RASEF: variants seen among roughly 807,000 people sequenced by gnomAD.
RASEF encodes the protein RAS and EF-hand domain containing.
Under a neutral mutation model 90.1 loss-of-function variants are expected in RASEF, and 68 were observed. The observed-to-expected ratio is 0.75, with a 90% CI of 0.62 to 0.92. The LOEUF is 0.92. RASEF is among the 40% of genes least tolerant of loss of function. The probability of loss-of-function intolerance (pLI) is 0.00; values close to 1 mark genes in which losing one functional copy is unlikely to be tolerated. For synonymous variants in RASEF, 331 were observed against 345.2 expected (o/e 0.96, Z 0.46); for missense variants, 949 against 937.2 (o/e 1.01, Z -0.16).
the RASEF span, among the ~76,000 whole-genome samples, chr9:83,158,135 G>A: frequency 6.6e-6 from 1 of 152,094 alleles, no homozygotes; most frequent in Non-Finnish European, 1.5e-5. Flanking sequence ...GTTAAATGAT[G>A]CCAGTTTTAT....
At chr9:83,216,925 A>G in the RASEF span, among the ~76,000 whole-genome samples, 1 of 152,286 alleles carries the variant, frequency 6.6e-6, no homozygotes, top group African/African-American at 2.4e-5. Flanking sequence ...ATGCACCTGG[A>G]AATGCTGCAA....
chr9:83,097,534 A>G, the RASEF span, among the ~76,000 whole-genome samples: 2 of 152,238 alleles, frequency 1.3e-5, no homozygotes, highest in African/African-American at 4.8e-5. Flanking sequence ...CAGAATTTAC[A>G]ATTAACTCAA....
At chr9:83,190,335 A>G in the RASEF span, among the ~76,000 whole-genome samples, 2 of 152,192 alleles carry the variant, frequency 1.3e-5, no homozygotes, top group African/African-American at 4.8e-5. Context: ...TTTAAACTAA[A>G]CCATTTTAAA....
chr9:83,114,121 C>A, the RASEF span, among the ~76,000 whole-genome samples: 1 of 152,192 alleles, frequency 6.6e-6, no homozygotes, highest in Non-Finnish European at 1.5e-5. Flanking sequence ...GAGGGACCAG[C>A]TGAAGCCATG....
the RASEF span, among the ~76,000 whole-genome samples, chr9:83,166,260 G>A: frequency 6.6e-6 from 1 of 152,010 alleles, no homozygotes; most frequent in Non-Finnish European, 1.5e-5. Context: ...GAAAGTCCCC[G>A]ACAAAATATC....
chr9:83,148,096 G>T, the RASEF span, among the ~76,000 whole-genome samples: 22 of 151,944 alleles, frequency 1.4e-4, no homozygotes, highest in African/African-American at 5.3e-4. Flanking sequence ...AGGTCTGAGG[G>T]TTTCCAGTCT....
the RASEF span, among the ~76,000 whole-genome samples, chr9:83,215,284 G>A: frequency 1.3e-5 from 2 of 152,048 alleles, no homozygotes; most frequent in African/African-American, 2.4e-5. Flanking sequence ...TGGGATGCTG[G>A]GCAAGAGCTC....
At chr9:83,135,943 ATAAGTAATTAT>A in the RASEF span, among the ~76,000 whole-genome samples, 1 of 152,132 alleles carries the variant, frequency 6.6e-6, no homozygotes, top group African/African-American at 2.4e-5. Flanking sequence ...CTAGTAGTCA[ATAAGTAATTAT>A]TACGGTTTCC....
At chr9:83,105,210 C>T in the RASEF span, among the ~76,000 whole-genome samples, 1 of 152,178 alleles carries the variant, frequency 6.6e-6, no homozygotes, top group South Asian at 2.1e-4. Flanking sequence ...CTGAGGCTTA[C>T]ATTAGCAGTG....
chr9:83,022,296 A>G, intron 3 of RASEF, 40 bp downstream of exon 3: 1 of 1,498,498 alleles, frequency 6.7e-7, no homozygotes, highest in Non-Finnish European at 9.3e-7. Context: ...AAACCACCTC[A>G]TAAAGATCTG....
intron 1 of RASEF, among the ~76,000 whole-genome samples, chr9:83,028,205 C>T (rs902332429): frequency 3.3e-5 from 5 of 152,210 alleles, no homozygotes; most frequent in Non-Finnish European, 5.9e-5. Context: ...CTTTGACACA[C>T]TGCCTGATTT....
intron 1 of RASEF, among the ~76,000 whole-genome samples, chr9:83,059,362 G>GAA (rs201457912): frequency 3.4e-5 from 3 of 88,214 alleles, no homozygotes; most frequent in African/African-American, 4.3e-5. Context: ...AACAGTAACT[G>GAA]AAAAAAAAAA....
Position 83,032,039 on chromosome 9 carries a change from G to T in RASEF, c.432-6118C>A, listed in dbSNP as rs530356158. ...TCATCATAGCAAAAGATAGTACCTG[G>T]TCCCTCTACGTAAGATTTATATTCT... On this transcript the variant is annotated intron_variant, in intron 1 of 16. Transcript: ENST00000376447. 6.0e-4 allele frequency among the ~76,000 whole-genome samples: 92 copies of T among 152,162 alleles called. 1 individual carries two copies. The highest frequency in any genetic ancestry group is 3.4e-3 in the Middle Eastern group (1 of 294).
At chr9:83,128,000 G>A in the RASEF span, among the ~76,000 whole-genome samples, 2 of 149,786 alleles carry the variant, frequency 1.3e-5, no homozygotes, top group Admixed American at 1.3e-4. Flanking sequence ...ACTATAAAGG[G>A]CTTTTTCTTT....
At chr9:83,100,791 T>A in the RASEF span, among the ~76,000 whole-genome samples, 15 of 152,182 alleles carry the variant, frequency 9.9e-5, no homozygotes, top group African/African-American at 3.4e-4. Context: ...AATAATATTA[T>A]AACAAGTGCC....
the RASEF span, among the ~76,000 whole-genome samples, chr9:83,143,135 A>G: frequency 8.1e-4 from 124 of 152,332 alleles, 2 homozygotes; most frequent in South Asian, 0.025. Context: ...CACAGTTGAC[A>G]GTCAAAGATA....
chr9:83,192,170 A>T, the RASEF span, among the ~76,000 whole-genome samples: 1 of 152,250 alleles, frequency 6.6e-6, no homozygotes, highest in Non-Finnish European at 1.5e-5. Context: ...ACCTAAAAAC[A>T]GAACTACTGT....
chr9:83,173,533 C>A, the RASEF span, among the ~76,000 whole-genome samples: 1 of 151,578 alleles, frequency 6.6e-6, no homozygotes, highest in Admixed American at 6.6e-5. Flanking sequence ...CATTCTGCTG[C>A]ATTTTTCTGT....
In RASEF at chr9:83,007,649, T is replaced by C. The variant is rs536047985; in HGVS notation, c.960-144A>G. ...TTCTATCTTTCCCGTGCTCCTGCTC[T>C]GGGCCTCTGTGGCCTCAGCAGCCTC... On this transcript the variant is annotated intron_variant, in intron 6 of 16. Transcript: ENST00000376447. 761 of 645,794 alleles carry C rather than the reference T, an allele frequency of 1.2e-3. 7 individuals are homozygous for C. Among genetic ancestry groups the C allele is most frequent in the African/African-American group, 0.011 (619 of 55,308 alleles). 40.0% of individuals were successfully genotyped at this position (645,794 alleles called of 1,614,324 possible). A position where few individuals can be genotyped will look rare whatever the true frequency, so the allele number is the denominator to read the frequency against.
Sources: allele counts gnomAD v4.1 joint callset (sites outside exome capture counted in the v4.1 genomes callset), GRCh38; gene constraint gnomAD v4.1.1; transcripts MANE v1.5; gene names NCBI Gene and HGNC (gene_info 2026-07-23, HGNC 2026-07-21).